ZNF33A: variants seen among roughly 807,000 people sequenced by gnomAD.
ZNF33A encodes the protein zinc finger protein 33A, also known as brain my041 protein.
In ZNF33A, 9 loss-of-function variants were observed where a neutral mutation model predicts 15.9. The observed-to-expected ratio is 0.57, with a 90% CI of 0.34 to 0.99. The LOEUF (loss-of-function observed/expected upper bound fraction) is 0.99, where lower values mean the gene tolerates loss of function less well. ZNF33A is among the 50% of genes least tolerant of loss of function. The probability of loss-of-function intolerance (pLI) is 0.02; values close to 1 mark genes in which losing one functional copy is unlikely to be tolerated. For missense variants in ZNF33A, 843 were observed against 941.6 expected (o/e 0.90, Z 1.37); for synonymous variants, 294 against 324.2 (o/e 0.91, Z 1.00).
chr10:38,013,943 A>G lies in ZNF33A; in HGVS notation c.9+1593A>G, dbSNP rs1307850609. On this transcript the variant is annotated intron_variant, in intron 2 of 4. Transcript: ENST00000432900. ...CCTCCCTGCTCATTCATTCATTTAC[A>G]TATAAGCCACAGTATCTGGCTTCAG... 2.6e-5 allele frequency among the ~76,000 whole-genome samples: 4 copies of G among 151,650 alleles called. No homozygotes were observed. The East Asian group carries it at 7.7e-4, about 29-fold the overall frequency.
At chr10:38,044,052 A>G in intron 4 of ZNF33A, 1 of 152,006 alleles carries the variant, frequency 6.6e-6, no homozygotes, top group East Asian at 1.9e-4. Flanking sequence ...TTATGAATAT[A>G]TTGGTGTAGT....
chr10:38,016,829 C>T (rs751708554), intron 2 of ZNF33A, 42 bp from the exon 3 acceptor site: 3 of 1,604,342 alleles, frequency 1.9e-6, no homozygotes, highest in African/African-American at 2.7e-5. Context: ...AAGGATTAGC[C>T]CATACTTCTT....
intron 4 of ZNF33A, among the ~76,000 whole-genome samples, chr10:38,053,916 G>A (rs964827934): frequency 6.6e-6 from 1 of 152,082 alleles, no homozygotes; most frequent in African/African-American, 2.4e-5. Flanking sequence ...TGTAGGCATG[G>A]GCTGTCACTT....
intron 1 of ZNF33A, 102 bp from the exon 2 acceptor site, chr10:38,012,196 A>AT (rs2064216727): frequency 1.0e-5 from 12 of 1,176,230 alleles, no homozygotes; most frequent in Middle Eastern, 2.0e-4. Flanking sequence ...CAGAGGAAGC[A>AT]TTTTACCTAG....
At chr10:38,014,198 C>T (rs923545468) in intron 2 of ZNF33A, among the ~76,000 whole-genome samples, 6 of 152,016 alleles carry the variant, frequency 3.9e-5, no homozygotes, top group African/African-American at 1.2e-4. Context: ...CGCGCCATCA[C>T]ACCTGGCTAA....
chr10:38,038,258 C>T (rs1401219752), intron 4 of ZNF33A, among the ~76,000 whole-genome samples: 2 of 152,046 alleles, frequency 1.3e-5, no homozygotes, highest in Non-Finnish European at 2.9e-5. Context: ...TGCCACCAAG[C>T]CTGGATAACT....
At chr10:38,026,523 C>T (rs554459967) in intron 4 of ZNF33A, among the ~76,000 whole-genome samples, 23 of 152,216 alleles carry the variant, frequency 1.5e-4, no homozygotes, top group African/African-American at 5.1e-4. Flanking sequence ...TTAGTAGAGA[C>T]GGGGTTTCAC....
At chr10:38,040,494 G>A (rs527412969) in intron 4 of ZNF33A, among the ~76,000 whole-genome samples, 4 of 152,122 alleles carry the variant, frequency 2.6e-5, no homozygotes, top group Non-Finnish European at 4.4e-5. Context: ...TAGTACATAG[G>A]CTTAGAATTG....
At chr10:38,034,058 C>G (rs1164816198) in intron 4 of ZNF33A, among the ~76,000 whole-genome samples, 1 of 152,114 alleles carries the variant, frequency 6.6e-6, no homozygotes, top group Non-Finnish European at 1.5e-5. Context: ...TATGTATCTC[C>G]TTTGTCAATT....
At position 38,057,756 on chromosome 10, in the gene ZNF33A, C is replaced by T; in HGVS notation, c.*1196C>T. 1.0e-6 allele frequency: 1 copy of T among 985,466 alleles called. No individual in the cohort carries two copies. The highest frequency in any genetic ancestry group is 4.7e-5 in the South Asian group (1 of 21,284). The allele number at this position is 985,466 out of a possible 1,614,324, so 61.0% of individuals were successfully genotyped here. ...TGCCTAGGGTACATATGTGAACATT[C>T]CAGCCTTCAGCATAAGTGGTAGTCC... On this transcript the variant is annotated 3_prime_UTR_variant, in exon 5 of 5. Coordinates refer to ENST00000432900, the MANE Select transcript of ZNF33A (RefSeq NM_006954.2).
chr10:38,051,739 T>G (rs1320374916), intron 4 of ZNF33A, among the ~76,000 whole-genome samples: 1 of 152,094 alleles, frequency 6.6e-6, no homozygotes, highest in African/African-American at 2.4e-5. Context: ...GAAAAAAGCA[T>G]AATTTATTTT....
chr10:38,022,753 A>G (rs2064811889), intron 4 of ZNF33A, among the ~76,000 whole-genome samples: 2 of 152,034 alleles, frequency 1.3e-5, no homozygotes, highest in South Asian at 4.1e-4. Context: ...GATATAGATA[A>G]TTTGAATGAC....
Position 38,057,924 on chromosome 10 carries a change from A to T in ZNF33A, c.*1364A>T. The T allele has an allele frequency of 1.0e-6, 1 of 985,462 alleles. No homozygotes were observed. The highest frequency in any genetic ancestry group is 5.2e-4 in the Middle Eastern group (1 of 1,914). The allele number at this position is 985,462 out of a possible 1,614,324, so 61.0% of individuals were successfully genotyped here. On this transcript the variant is annotated 3_prime_UTR_variant, in exon 5 of 5. Coordinates refer to ENST00000432900, the MANE Select transcript of ZNF33A (RefSeq NM_006954.2). ...GATCTGGGCCCTCAGACTTTTGAGA[A>T]TATGAAGAGGAGGGTTGAGGCTGGA...
intron 4 of ZNF33A, among the ~76,000 whole-genome samples, chr10:38,028,333 G>A (rs1173727566): frequency 1.3e-5 from 2 of 151,946 alleles, no homozygotes; most frequent in Admixed American, 6.6e-5. Context: ...CTTCTGATTG[G>A]TACATTCAAT....
At chr10:38,014,936 C>T (rs774940872) in intron 2 of ZNF33A, among the ~76,000 whole-genome samples, 4 of 151,268 alleles carry the variant, frequency 2.6e-5, no homozygotes, top group East Asian at 1.9e-4. Flanking sequence ...TGCAGTGGTA[C>T]GATCTCAGCT....
At chr10:38,040,252 T>A (rs946909075) in intron 4 of ZNF33A, among the ~76,000 whole-genome samples, 4 of 152,146 alleles carry the variant, frequency 2.6e-5, no homozygotes, top group Admixed American at 6.5e-5. Flanking sequence ...CATGTGTACT[T>A]TTGAAGCATA....
At chr10:38,012,837 T>C (rs1318656024) in intron 2 of ZNF33A, among the ~76,000 whole-genome samples, 8 of 152,122 alleles carry the variant, frequency 5.3e-5, no homozygotes, top group African/African-American at 1.9e-4. Flanking sequence ...AGTCAATAAG[T>C]TGAGCTTCGT....
chr10:38,021,814 A>G (rs1382654289), intron 4 of ZNF33A, among the ~76,000 whole-genome samples: 4 of 152,180 alleles, frequency 2.6e-5, no homozygotes, highest in African/African-American at 9.7e-5. Flanking sequence ...ATGAAACCAA[A>G]CTACAAATCA....
chr10:38,048,244 A>G (rs1305401782), intron 4 of ZNF33A, among the ~76,000 whole-genome samples: 1 of 152,188 alleles, frequency 6.6e-6, no homozygotes, highest in African/African-American at 2.4e-5. Context: ...TATACAAGAT[A>G]TTTTTCTTCA....
Sources: gnomAD v4.1 joint callset for allele counts (sites outside exome capture counted in the v4.1 genomes callset) on GRCh38, gnomAD v4.1.1 for gene constraint, MANE v1.5 for transcripts, NCBI Gene and HGNC (gene_info 2026-07-23, HGNC 2026-07-21) for gene names.